Variants in WDFY3 observed in about 807,000 individuals in gnomAD.
The protein encoded by WDFY3 is WD repeat and FYVE domain containing 3.
WDFY3 carries 66 observed loss-of-function variants against 409.6 expected under a neutral mutation model. The observed-to-expected ratio is 0.16, with a 90% CI of 0.13 to 0.20. The LOEUF is 0.20. WDFY3 is among the 10% of genes least tolerant of loss of function. The probability of loss-of-function intolerance (pLI) is 1.00; values close to 1 mark genes in which losing one functional copy is unlikely to be tolerated. For missense variants in WDFY3, 3,031 were observed against 4,298.1 expected, an observed-to-expected ratio of 0.71 and a Z score of 8.24; for synonymous variants, 1,521 against 1,537.1, an observed-to-expected ratio of 0.99 and a Z score of 0.25.
At chr4:84,758,773 A>G (rs1741922458) in intron 32 of WDFY3, among the ~76,000 whole-genome samples, 1 of 152,202 alleles carries the variant, frequency 6.6e-6, no homozygotes, top group African/African-American at 2.4e-5. Flanking sequence ...ATCATTCCTT[A>G]ATCACAATGA....
At chr4:84,963,015 A>C (rs977184824) in intron 1 of WDFY3, among the ~76,000 whole-genome samples, 1 of 151,844 alleles carries the variant, frequency 6.6e-6, no homozygotes, top group African/African-American at 2.4e-5. Flanking sequence ...TAAATACACC[A>C]CACACACCAA....
intron 4 of WDFY3, among the ~76,000 whole-genome samples, chr4:84,851,886 A>G (rs1157363008): frequency 6.7e-6 from 1 of 150,018 alleles, no homozygotes; most frequent in East Asian, 2.0e-4. Context: ...AAGTTTAAGT[A>G]ATAAATTAGG....
At chr4:84,947,813 AAGGTAAAGGCTGTAGTG>A (rs1313636640) in intron 1 of WDFY3, among the ~76,000 whole-genome samples, 1 of 151,522 alleles carries the variant, frequency 6.6e-6, no homozygotes, top group African/African-American at 2.4e-5. Context: ...TTGAGCCTGG[AAGGTAAAGGCTGTAGTG>A]AGTCATAATC....
In WDFY3 at chr4:84,880,005, C is replaced by T. The variant is rs768732692; in HGVS notation, c.-32+16906G>A. Among the ~76,000 whole-genome samples the T allele has an allele frequency of 2.6e-5, 4 of 152,166 alleles. No homozygotes were observed. The East Asian group carries it at 7.7e-4, about 29-fold the overall frequency. On this transcript the variant is annotated intron_variant, in intron 3 of 67. Coordinates refer to ENST00000295888, the MANE Select transcript of WDFY3 (RefSeq NM_014991.6). ...CCTAATCTCTAGAACCTGTATGTTA[C>T]ATTATGTGGCCAAAAGGACTTTGCA...
chr4:84,904,333 T>G (rs1469687746), intron 2 of WDFY3, among the ~76,000 whole-genome samples: 2 of 152,022 alleles, frequency 1.3e-5, no homozygotes, highest in African/African-American at 4.8e-5. Context: ...CTCCACCTCC[T>G]GGGTTCAAGG....
chr4:84,734,477 A>G (rs904813453), intron 43 of WDFY3, among the ~76,000 whole-genome samples: 2 of 152,200 alleles, frequency 1.3e-5, no homozygotes, highest in Non-Finnish European at 2.9e-5. Flanking sequence ...GCAGTTAACC[A>G]TTCAGAAACC....
intron 3 of WDFY3, among the ~76,000 whole-genome samples, chr4:84,886,744 A>G (rs1375216791): frequency 6.6e-6 from 1 of 152,208 alleles, no homozygotes; most frequent in African/African-American, 2.4e-5. Context: ...ATAGCAAAAT[A>G]AGTCTGAGTC....
At position 84,965,511 on chromosome 4, in the gene WDFY3, C is replaced by A. The variant is rs144339041; in HGVS notation, c.-226+698G>T. On this transcript the variant is annotated intron_variant, in intron 1 of 67. Coordinates refer to ENST00000295888, the MANE Select transcript of WDFY3 (RefSeq NM_014991.6). ...AATGGTAAAAATCAATGAAAAACTG[C>A]ACCTGAGGCTCAAACACTAGCCAGA... is the stretch of plus-strand genomic sequence containing the variant. Among the ~76,000 whole-genome samples, 33 of 152,308 alleles carry A rather than the reference C, an allele frequency of 2.2e-4. 1 individual carries two copies. The East Asian group carries it at 2.5e-3, about 12-fold the overall frequency.
chr4:84,676,219 G>GA (rs1005003104), intron 67 of WDFY3, among the ~76,000 whole-genome samples: 4 of 149,786 alleles, frequency 2.7e-5, no homozygotes, highest in East Asian at 2.0e-4. Context: ...ACTCCTCAAG[G>GA]AAAAAAAAAG....
At chr4:84,745,178 G>T (rs1739207000) in intron 36 of WDFY3, among the ~76,000 whole-genome samples, 1 of 152,174 alleles carries the variant, frequency 6.6e-6, no homozygotes, top group Non-Finnish European at 1.5e-5. Flanking sequence ...GCAAGGAACT[G>T]GGAACAGAGG....
chr4:84,862,292 T>C (rs1248703961), intron 3 of WDFY3, among the ~76,000 whole-genome samples: 3 of 152,180 alleles, frequency 2.0e-5, no homozygotes, highest in Admixed American at 6.5e-5. Context: ...ACTGAATAAC[T>C]ACTGTGCAGA....
At chr4:84,693,756 G>A (rs1475459719) in intron 58 of WDFY3, among the ~76,000 whole-genome samples, 5 of 152,030 alleles carry the variant, frequency 3.3e-5, no homozygotes, top group Non-Finnish European at 4.4e-5. Flanking sequence ...TTAGCTGGGC[G>A]TGGTGGTACA....
chr4:84,820,296 A>G, intron 11 of WDFY3, 110 bp from the exon 12 acceptor site: 1 of 790,514 alleles, frequency 1.3e-6, no homozygotes, highest in Non-Finnish European at 1.9e-6. Context: ...TTTTACCCCT[A>G]ATAGGACAGA....
At chr4:84,684,377 G>A (rs1727943888) in intron 62 of WDFY3, among the ~76,000 whole-genome samples, 1 of 152,174 alleles carries the variant, frequency 6.6e-6, no homozygotes, top group African/African-American at 2.4e-5. Flanking sequence ...ACAAAGGGCA[G>A]GTCCACGTCC....
At chr4:84,758,662 T>G (rs1257237453) in intron 32 of WDFY3, among the ~76,000 whole-genome samples, 1 of 152,178 alleles carries the variant, frequency 6.6e-6, no homozygotes, top group East Asian at 1.9e-4. Flanking sequence ...TTTCAAAATA[T>G]TTTATCCTAA....
At chr4:84,682,589 T>C in intron 63 of WDFY3, 119 bp from the exon 64 acceptor site, 2 of 798,194 alleles carry the variant, frequency 2.5e-6, no homozygotes, top group East Asian at 2.7e-5. Context: ...CATCATGTTA[T>C]ACAGTTAGAT....
In WDFY3 at chr4:84,696,010, G is replaced by A; in HGVS notation, c.8861C>T (p.Thr2954Ile). Residue 2954 changes from threonine to isoleucine, a missense_variant, in exon 58 of 68, where the codon ACA becomes ATA. Coordinates refer to ENST00000295888, the MANE Select transcript of WDFY3 (RefSeq NM_014991.6). Reference protein sequence around the residue: ...NINDPLKETATIGFINNFGQI... With the variant: ...NINDPLKETAIIGFINNFGQI... The stretch of plus-strand genomic sequence containing the variant: ...ACCGAAGTTATTAATGAACCCAATT[G>A]TGGCTGTCTCCTTTAGTGGGTCATT... The A allele has an allele frequency of 6.2e-7, 1 of 1,614,154 alleles. No individual in the cohort carries two copies. Among genetic ancestry groups the A allele is most frequent in the Non-Finnish European group, 8.5e-7 (1 of 1,180,016 alleles).
chr4:84,791,220 C>A (rs184508424), intron 21 of WDFY3, among the ~76,000 whole-genome samples: 1 of 151,944 alleles, frequency 6.6e-6, no homozygotes, highest in African/African-American at 2.4e-5. Flanking sequence ...TAATATTTAG[C>A]CTTAAAGAAG....
intron 15 of WDFY3, 105 bp from the exon 16 acceptor site, chr4:84,803,572 C>A (rs1751009169): frequency 2.4e-6 from 3 of 1,259,876 alleles, no homozygotes; most frequent in Non-Finnish European, 3.3e-6. Flanking sequence ...TTAGAAAACA[C>A]CTTAAGGTTG....
Sources: gnomAD v4.1 joint callset for allele counts (sites outside exome capture counted in the v4.1 genomes callset) on GRCh38, gnomAD v4.1.1 for gene constraint, MANE v1.5 for transcripts, NCBI Gene and HGNC (gene_info 2026-07-23, HGNC 2026-07-21) for gene names.